The following MAP2 variants were observed in gnomAD, a reference collection of about 807,000 sequenced individuals.
MAP2 encodes the protein microtubule-associated protein 2.
In MAP2, 14 loss-of-function variants were observed where a neutral mutation model predicts 137.6. The ratio of observed to expected loss-of-function variants is 0.10; its 90% CI spans 0.07 to 0.16. The LOEUF is 0.16. Ranked by LOEUF, MAP2 falls within the 10% of genes least tolerant of loss-of-function variation. The probability of loss-of-function intolerance (pLI) is 1.00; values close to 1 mark genes in which losing one functional copy is unlikely to be tolerated. For synonymous variants in MAP2, 786 were observed against 782.3 expected (o/e 1.00, Z -0.08); for missense variants, 2,088 against 2,191.5 (o/e 0.95, Z 0.94).
At chr2:209,470,908 C>T (rs1364378243) in intron 1 of MAP2, among the ~76,000 whole-genome samples, 1 of 152,170 alleles carries the variant, frequency 6.6e-6, no homozygotes, top group Non-Finnish European at 1.5e-5. Context: ...TACTGATTTT[C>T]CCATATCTCC....
chr2:209,589,410 A>G lies in MAP2; in HGVS notation c.-107+9310A>G, dbSNP rs550262581. ...TCCAAAGCCTTTACTTCCTACTACT[A>G]TGAAGCTAAAGCAGATAAATGAGTG... is the stretch of plus-strand genomic sequence containing the variant. On this transcript the variant is annotated intron_variant, in intron 3 of 15. Transcript: ENST00000682079. Among the ~76,000 whole-genome samples the G allele has an allele frequency of 5.3e-5, 8 of 152,338 alleles. No individual in the cohort carries two copies. In the East Asian group the frequency reaches 1.3e-3, roughly 26 times the overall value.
At chr2:209,725,136 G>A (rs2073394473) in intron 13 of MAP2, among the ~76,000 whole-genome samples, 2 of 152,142 alleles carry the variant, frequency 1.3e-5, no homozygotes, top group Non-Finnish European at 2.9e-5. Context: ...ATTGGGAGAG[G>A]AAATATTTTC....
intron 7 of MAP2, chr2:209,690,852 T>C: frequency 7.9e-7 from 1 of 1,272,110 alleles, no homozygotes; most frequent in Non-Finnish European, 1.0e-6. Flanking sequence ...GGGGAAGGTG[T>C]GTCTTTCTCA....
intron 13 of MAP2, among the ~76,000 whole-genome samples, chr2:209,720,547 G>A (rs2070070050): frequency 6.6e-6 from 1 of 151,266 alleles, no homozygotes; most frequent in African/African-American, 2.4e-5. Context: ...GCTGAGGCAG[G>A]AGAATGGCGT....
At chr2:209,525,549 T>C (rs935377797) in intron 2 of MAP2, among the ~76,000 whole-genome samples, 2 of 152,294 alleles carry the variant, frequency 1.3e-5, no homozygotes, top group Non-Finnish European at 1.5e-5. Context: ...CATTCCTGCA[T>C]GGACTAAGCC....
intron 13 of MAP2, among the ~76,000 whole-genome samples, chr2:209,715,709 C>T (rs80320632): frequency 0.016 from 2,474 of 152,182 alleles, 62 homozygotes; most frequent in African/African-American, 0.057. Flanking sequence ...AGGTAATGAG[C>T]CTTTCAGGCA....
At chr2:209,547,945 C>G (rs2068410229) in intron 2 of MAP2, among the ~76,000 whole-genome samples, 1 of 152,140 alleles carries the variant, frequency 6.6e-6, no homozygotes, top group Non-Finnish European at 1.5e-5. Flanking sequence ...GTGCAACAGT[C>G]TTTAAATGGA....
rs2075599891 is a variant in MAP2, at chr2:209,730,258, C to T, written c.5345C>T (p.Ser1782Phe). ...VDHGAEIITQ[S>F]PGRSSVASPR... ...CATGGGGCTGAGATCATTACACAGT[C>T]CCCAGGCAGATCCAGCGTGGCATCA... Residue 1782 changes from serine (S) to phenylalanine (F), a missense_variant, in exon 16 of 16, where the codon TCC becomes TTC. Coordinates refer to ENST00000682079, the MANE Select transcript of MAP2 (RefSeq NM_001375505.1). The T allele has an allele frequency of 1.9e-6, 3 of 1,614,088 alleles. No individual in the cohort carries two copies. Among genetic ancestry groups the T allele is most frequent in the Non-Finnish European group, 2.5e-6 (3 of 1,180,006 alleles).
chr2:209,478,657 G>A (rs1382203304), intron 1 of MAP2, among the ~76,000 whole-genome samples: 1 of 152,076 alleles, frequency 6.6e-6, no homozygotes, highest in East Asian at 1.9e-4. Flanking sequence ...AATAATTTAG[G>A]TTTTTGATGT....
At chr2:209,430,763 T>C (rs1311667068) in intron 1 of MAP2, among the ~76,000 whole-genome samples, 1 of 152,160 alleles carries the variant, frequency 6.6e-6, no homozygotes, top group African/African-American at 2.4e-5. Flanking sequence ...GAAAATGCCC[T>C]TTATCTTCAC....
At chr2:209,550,336 A>G (rs902470605) in intron 2 of MAP2, among the ~76,000 whole-genome samples, 2 of 152,210 alleles carry the variant, frequency 1.3e-5, no homozygotes, top group South Asian at 2.1e-4. Flanking sequence ...GAAATAAAGT[A>G]TATGTAGCTT....
chr2:209,483,884 ACAG>A (rs1471489909), intron 1 of MAP2, among the ~76,000 whole-genome samples: 23 of 152,120 alleles, frequency 1.5e-4, no homozygotes, highest in Admixed American at 1.0e-3. Context: ...AAGGTGGGTG[ACAG>A]CTGGGAGAAA....
At chr2:209,656,705 G>T (rs2095170559) in intron 5 of MAP2, among the ~76,000 whole-genome samples, 1 of 151,754 alleles carries the variant, frequency 6.6e-6, no homozygotes, top group African/African-American at 2.4e-5. Flanking sequence ...TAAGCATCTA[G>T]CCACTTAGGA....
At chr2:209,570,679 A>G (rs1320961933) in intron 2 of MAP2, among the ~76,000 whole-genome samples, 2 of 151,932 alleles carry the variant, frequency 1.3e-5, no homozygotes, top group Non-Finnish European at 2.9e-5. Context: ...GAGAAAGGAA[A>G]GAGCTTTATG....
chr2:209,575,251 C>G (rs368965457), intron 2 of MAP2, among the ~76,000 whole-genome samples: 105 of 151,990 alleles, frequency 6.9e-4, no homozygotes, highest in African/African-American at 2.1e-3. Flanking sequence ...GCCGGGTGCG[C>G]TGGCTCATGC....
In MAP2 at chr2:209,653,284, G is replaced by C. The variant is rs779445896; in HGVS notation, c.114G>C (p.Gly38=). 2.4e-5 allele frequency: 38 copies of C among 1,613,988 alleles called. 1 individual carries two copies. In the South Asian group the frequency reaches 3.1e-4, roughly 13 times the overall value. The change falls in exon 5 of 16, where the codon GGG becomes GGC. Residue 38 remains glycine (G), a synonymous_variant. Coordinates refer to ENST00000682079, the MANE Select transcript of MAP2 (RefSeq NM_001375505.1). Reference sequence around the variant, plus strand: ...AGATTAAGGATCAAGGCGGAGCAGGGGAAGGACTTGTCCGAAGCGCCAATG... The same window carrying C: ...AGATTAAGGATCAAGGCGGAGCAGGCGAAGGACTTGTCCGAAGCGCCAATG... ...PPEIKDQGGA[G]EGLVRSANGF...
chr2:209,510,654 A>C (rs7574854), intron 2 of MAP2, among the ~76,000 whole-genome samples: 125,034 of 151,936 alleles, frequency 0.82, 52,565 homozygotes, highest in Non-Finnish European at 0.93. Flanking sequence ...CAAATGATGG[A>C]TTCTCAATTT....
In MAP2 at chr2:209,653,275, C is replaced by T. The variant is rs149857613; in HGVS notation, c.105C>T (p.Gly35=). Reference sequence around the variant, plus strand: ...ATCCACCTGAGATTAAGGATCAAGGCGGAGCAGGGGAAGGACTTGTCCGAA... The same window carrying T: ...ATCCACCTGAGATTAAGGATCAAGGTGGAGCAGGGGAAGGACTTGTCCGAA... ...HSHPPEIKDQ[G]GAGEGLVRSA... is the part of the protein sequence containing the mutation. Residue 35 remains glycine (G), a synonymous_variant, in exon 5 of 16, where the codon GGC becomes GGT. Coordinates refer to ENST00000682079, the MANE Select transcript of MAP2 (RefSeq NM_001375505.1). 77 of 1,614,064 alleles carry T rather than the reference C, an allele frequency of 4.8e-5. No homozygotes were observed. In the East Asian group the frequency reaches 1.5e-3, roughly 31 times the overall value.
chr2:209,605,344 A>G (rs191493521), intron 3 of MAP2, among the ~76,000 whole-genome samples: 96 of 152,290 alleles, frequency 6.3e-4, no homozygotes, highest in African/African-American at 2.3e-3. Context: ...CACAGAAGGA[A>G]ACATTTAAAG....
Sources: allele counts gnomAD v4.1 joint callset (sites outside exome capture counted in the v4.1 genomes callset), GRCh38; gene constraint gnomAD v4.1.1; transcripts MANE v1.5; gene names NCBI Gene and HGNC (gene_info 2026-07-23, HGNC 2026-07-21).